The following SORCS1 variants were observed in gnomAD, a reference collection of about 807,000 sequenced individuals.
SORCS1 encodes sortilin related VPS10 domain containing receptor 1.
SORCS1 carries 60 observed loss-of-function variants against 146.1 expected under a neutral mutation model. That is an observed-to-expected ratio of 0.41 (90% CI 0.33 to 0.51). The LOEUF (loss-of-function observed/expected upper bound fraction) is 0.51, where lower values mean the gene tolerates loss of function less well. Ranked by LOEUF, SORCS1 falls within the 20% of genes least tolerant of loss-of-function variation. SORCS1 has a pLI of 0.21. For missense variants in SORCS1, 1,352 were observed against 1,487.6 expected, an observed-to-expected ratio of 0.91 and a Z score of 1.50; for synonymous variants, 637 against 584.0, an observed-to-expected ratio of 1.09 and a Z score of -1.31.
At chr10:106,826,502 T>C (rs1259865759) in intron 3 of SORCS1, among the ~76,000 whole-genome samples, 1 of 152,258 alleles carries the variant, frequency 6.6e-6, no homozygotes, top group Non-Finnish European at 1.5e-5. Context: ...TAAATTCTCA[T>C]TGATTGGAGA....
chr10:107,110,273 G>A (rs533153319), intron 1 of SORCS1, among the ~76,000 whole-genome samples: 10 of 152,104 alleles, frequency 6.6e-5, no homozygotes, highest in South Asian at 2.1e-4. Context: ...CATTAGTACC[G>A]ATTTTCTATA....
intron 12 of SORCS1, among the ~76,000 whole-genome samples, chr10:106,678,397 G>A (rs1403974876): frequency 6.6e-6 from 1 of 152,142 alleles, no homozygotes; most frequent in Non-Finnish European, 1.5e-5. Context: ...GAATCCCACT[G>A]AGGATCTATA....
At chr10:107,094,928 CG>C (rs1964446441) in intron 1 of SORCS1, among the ~76,000 whole-genome samples, 1 of 152,140 alleles carries the variant, frequency 6.6e-6, no homozygotes, top group African/African-American at 2.4e-5. Context: ...GATGATCTGT[CG>C]GCAAGAGAAA....
rs149528836 is a variant in SORCS1, at chr10:107,120,292, T to G, written c.558+43677A>C. Reference sequence around the variant, plus strand: ...CATCAATACAGCATAAAGCATCTCTTACAGTGCTATGCACATAGCAGGCAG... The same window carrying G: ...CATCAATACAGCATAAAGCATCTCTGACAGTGCTATGCACATAGCAGGCAG... On this transcript the variant is annotated intron_variant, in intron 1 of 25. Transcript: ENST00000263054. 3.8e-4 allele frequency among the ~76,000 whole-genome samples: 58 copies of G among 152,322 alleles called. 1 individual carries two copies. The East Asian group carries it at 0.01, about 27-fold the overall frequency.
intron 14 of SORCS1, 35 bp downstream of exon 14, chr10:106,675,014 A>T: frequency 1.3e-6 from 2 of 1,522,860 alleles, no homozygotes; most frequent in Non-Finnish European, 1.8e-6. Context: ...ACTCTTTTCT[A>T]TGAAGGCTGG....
At chr10:107,072,017 A>G (rs1284715246) in intron 1 of SORCS1, among the ~76,000 whole-genome samples, 4 of 152,238 alleles carry the variant, frequency 2.6e-5, no homozygotes, top group African/African-American at 9.6e-5. Flanking sequence ...CTGGTGGAAC[A>G]CCAGGCAATT....
chr10:106,902,211 G>A (rs1267726433), intron 2 of SORCS1, among the ~76,000 whole-genome samples: 1 of 152,166 alleles, frequency 6.6e-6, no homozygotes, highest in East Asian at 1.9e-4. Flanking sequence ...TTTTATAATA[G>A]GTTTCTTGAT....
intron 2 of SORCS1, among the ~76,000 whole-genome samples, chr10:106,933,578 C>T (rs1953530569): frequency 6.6e-6 from 1 of 152,196 alleles, no homozygotes; most frequent in African/African-American, 2.4e-5. Context: ...TAAACACTTA[C>T]TCTCAAGGAG....
intron 7 of SORCS1, among the ~76,000 whole-genome samples, chr10:106,707,189 AT>A (rs3044946): frequency 0.037 from 5,417 of 144,826 alleles, 271 homozygotes; most frequent in African/African-American, 0.11. Context: ...ATTTAATTTA[AT>A]TTTTTTTTTT....
At chr10:107,065,022 G>A (rs1254074573) in intron 1 of SORCS1, among the ~76,000 whole-genome samples, 6 of 152,112 alleles carry the variant, frequency 3.9e-5, no homozygotes, top group Admixed American at 3.9e-4. Flanking sequence ...GGAACTATGA[G>A]CTCGAGTGGA....
intron 6 of SORCS1, among the ~76,000 whole-genome samples, chr10:106,722,467 T>C (rs1237239092): frequency 2.0e-5 from 3 of 152,152 alleles, no homozygotes; most frequent in African/African-American, 7.2e-5. Context: ...TTATATAAAG[T>C]TGTGAGTTTC....
intron 5 of SORCS1, among the ~76,000 whole-genome samples, chr10:106,755,793 A>AG (rs1858592055): frequency 6.6e-6 from 1 of 152,136 alleles, no homozygotes; most frequent in Non-Finnish European, 1.5e-5. Flanking sequence ...GGAAATAGAG[A>AG]AAAAGAGACA....
Position 106,829,590 on chromosome 10 carries a change from G to A in SORCS1, c.710C>T (p.Pro237Leu). The A allele has an allele frequency of 2.5e-6, 4 of 1,593,278 alleles. No homozygotes were observed. Among genetic ancestry groups the A allele is most frequent in the South Asian group, 1.1e-5 (1 of 89,318 alleles). ...ATTTCTTACCTTACGCTTGTTGGTAGGACACACATAGAGATAGCTCAAAAT... is the reference window on the plus strand; with the variant it reads ...ATTTCTTACCTTACGCTTGTTGGTAAGACACACATAGAGATAGCTCAAAAT... Reference protein sequence around the residue: ...KTILSYLYVCPTNKRKIMLLT... With the variant: ...KTILSYLYVCLTNKRKIMLLT... The change falls in exon 3 of 26, where the codon CCT (proline) becomes CTT (leucine). Residue 237 changes from proline to leucine, a missense_variant. Coordinates refer to ENST00000263054, the MANE Select transcript of SORCS1 (RefSeq NM_052918.5).
chr10:106,788,476 T>C (rs1184214214), intron 3 of SORCS1, among the ~76,000 whole-genome samples: 1 of 152,098 alleles, frequency 6.6e-6, no homozygotes, highest in Non-Finnish European at 1.5e-5. Context: ...ACTTCCAAAA[T>C]ACAATGGAGG....
intron 2 of SORCS1, among the ~76,000 whole-genome samples, chr10:106,887,791 T>G (rs534900867): frequency 6.6e-6 from 1 of 152,190 alleles, no homozygotes; most frequent in Non-Finnish European, 1.5e-5. Flanking sequence ...AATGTTTACA[T>G]GACTATTATT....
intron 2 of SORCS1, among the ~76,000 whole-genome samples, chr10:106,904,070 TAA>T (rs1951822500): frequency 6.6e-6 from 1 of 152,242 alleles, no homozygotes; most frequent in Non-Finnish European, 1.5e-5. Flanking sequence ...TGGCAACGCC[TAA>T]GTTTATGAAG....
intron 18 of SORCS1, among the ~76,000 whole-genome samples, chr10:106,646,853 C>G (rs1849474317): frequency 6.6e-6 from 1 of 151,450 alleles, no homozygotes; most frequent in Non-Finnish European, 1.5e-5. Flanking sequence ...TATAATTTCT[C>G]CACTGTACTG....
At chr10:106,977,953 AT>A (rs757545316) in intron 1 of SORCS1, among the ~76,000 whole-genome samples, 31 of 151,898 alleles carry the variant, frequency 2.0e-4, no homozygotes, top group East Asian at 5.8e-4. Context: ...GTGGTTCATC[AT>A]TTTTTTTGAG....
chr10:107,067,514 G>A (rs991194133), intron 1 of SORCS1, among the ~76,000 whole-genome samples: 11 of 152,220 alleles, frequency 7.2e-5, no homozygotes, highest in South Asian at 4.1e-4. Flanking sequence ...ATTTTTGTAT[G>A]CATATAACTA....
Sources: gnomAD v4.1 joint callset for allele counts (sites outside exome capture counted in the v4.1 genomes callset) on GRCh38, gnomAD v4.1.1 for gene constraint, MANE v1.5 for transcripts, NCBI Gene and HGNC (gene_info 2026-07-23, HGNC 2026-07-21) for gene names.